Variants in FAS observed in about 807,000 individuals in gnomAD.
FAS encodes the protein Fas cell surface death receptor, also known as tumor necrosis factor receptor superfamily member 6.
In FAS, 5 loss-of-function variants were observed where a neutral mutation model predicts 33.2. The ratio of observed to expected loss-of-function variants is 0.15; its 90% CI spans 0.08 to 0.32. The LOEUF (loss-of-function observed/expected upper bound fraction) is 0.32. Ranked by LOEUF, FAS falls within the 10% of genes least tolerant of loss-of-function variation. The pLI is 1.00. For missense variants in FAS, 339 were observed against 386.0 expected, an observed-to-expected ratio of 0.88 and a Z score of 1.02; for synonymous variants, 131 against 130.7, an observed-to-expected ratio of 1.00 and a Z score of -0.01.
At chr10:89,009,184 C>T (rs1848403750) in intron 4 of FAS, among the ~76,000 whole-genome samples, 187 bp downstream of exon 4, 1 of 152,148 alleles carries the variant, frequency 6.6e-6, no homozygotes, top group Non-Finnish European at 1.5e-5. Flanking sequence ...ACTTTGCTGG[C>T]CACTTAAGCT....
Position 89,003,090 on chromosome 10 carries a change from A to C in FAS, c.92A>C (p.Asn31Thr). The change falls in exon 2 of 9, where the codon AAC becomes ACC. Residue 31 changes from asparagine (N) to threonine (T), a missense_variant. Coordinates refer to ENST00000652046, the MANE Select transcript of FAS (RefSeq NM_000043.6). ...GTTAATGCCCAAGTGACTGACATCA[A>C]CTCCAAGGGATTGGAATTGAGGAAG... ...KSVNAQVTDI[N>T]SKGLELRKTV... 1 of 1,614,112 alleles carries C rather than the reference A, an allele frequency of 6.2e-7. No homozygotes were observed. The highest frequency in any genetic ancestry group is 8.5e-7 in the Non-Finnish European group (1 of 1,179,996).
chr10:89,004,021 A>G (rs997794456), intron 2 of FAS, among the ~76,000 whole-genome samples: 1 of 152,188 alleles, frequency 6.6e-6, no homozygotes, highest in African/African-American at 2.4e-5. Context: ...CCGTTATGGA[A>G]AAATCTCCCC....
At chr10:89,009,745 G>T (rs965613394) in intron 4 of FAS, among the ~76,000 whole-genome samples, 3 of 152,134 alleles carry the variant, frequency 2.0e-5, no homozygotes, top group Non-Finnish European at 4.4e-5. Flanking sequence ...CTCTCCCCTG[G>T]CCACAAGTGT....
chr10:88,970,617 C>G (rs10437509), intron 1 of FAS, among the ~76,000 whole-genome samples: 9,020 of 152,130 alleles, frequency 0.059, 872 homozygotes, highest in African/African-American at 0.21. Context: ...ATTAGAATTC[C>G]CCATTTATCC....
chr10:88,993,438 C>G (rs118144787), intron 1 of FAS, among the ~76,000 whole-genome samples: 1 of 152,054 alleles, frequency 6.6e-6, no homozygotes, highest in Non-Finnish European at 1.5e-5. Flanking sequence ...ATTTGAATTC[C>G]GAAGCCTCTA....
At position 89,003,053 on chromosome 10, in the gene FAS, T is replaced by C. The variant is rs1199807438; in HGVS notation, c.55T>C (p.Ser19Pro). Residue 19 changes from serine to proline, a missense_variant, in exon 2 of 9, where the codon TCG (serine) becomes CCG (proline). Ser to Pro is a moderately conservative substitution (Grantham distance 74, BLOSUM62 -1). Around this residue, in one of 3 missense-constraint regions of FAS, gnomAD observed 276 missense variants for 300.1 expected, o/e 0.92. Transcript: ENST00000652046. ...GGTTCTTACGTCTGTTGCTAGATTA[T>C]CGTCCAAAAGTGTTAATGCCCAAGT... Reference protein sequence around the residue: ...PLVLTSVARLSSKSVNAQVTD... With the variant: ...PLVLTSVARLPSKSVNAQVTD... The C allele has an allele frequency of 1.3e-5, 21 of 1,614,188 alleles. No homozygotes were observed. Among genetic ancestry groups the C allele is most frequent in the Non-Finnish European group, 1.8e-5 (21 of 1,179,996 alleles).
At chr10:89,007,494 C>T (rs1279993352) in intron 2 of FAS, among the ~76,000 whole-genome samples, 1 of 152,040 alleles carries the variant, frequency 6.6e-6, no homozygotes, top group Non-Finnish European at 1.5e-5. Context: ...TTCAGTCACT[C>T]TTTTAGCTTT....
chr10:89,009,051 A>C (rs1243395220), intron 4 of FAS, 54 bp downstream of exon 4: 1 of 1,457,900 alleles, frequency 6.9e-7, no homozygotes, highest in Non-Finnish European at 9.6e-7. Flanking sequence ...GAGAGTTATC[A>C]TTTTCCTAGG....
chr10:88,993,239 C>G (rs1847369590), intron 1 of FAS, among the ~76,000 whole-genome samples: 2 of 151,796 alleles, frequency 1.3e-5, no homozygotes, highest in Admixed American at 6.6e-5. Context: ...TGACAAATTT[C>G]TAAAGGAGAC....
At chr10:89,002,659 G>A (rs962036615) in intron 1 of FAS, 10 of 304,950 alleles carry the variant, frequency 3.3e-5, no homozygotes, top group East Asian at 1.6e-4. Flanking sequence ...ATTATTCCAC[G>A]TATTTTCACA....
chr10:89,002,126 G>T (rs1847963309), intron 1 of FAS, among the ~76,000 whole-genome samples: 1 of 152,178 alleles, frequency 6.6e-6, no homozygotes, highest in South Asian at 2.1e-4. Context: ...TGTTTTGAAG[G>T]TTCTTTGCAG....
intron 1 of FAS, among the ~76,000 whole-genome samples, chr10:88,996,818 A>AGTG (rs377719058): frequency 5.4e-4 from 83 of 152,344 alleles, no homozygotes; most frequent in African/African-American, 1.9e-3. Flanking sequence ...GCCCACAGGT[A>AGTG]GTGGCCACAG....
intron 2 of FAS, among the ~76,000 whole-genome samples, chr10:88,979,249 A>G (rs1005387810): frequency 6.6e-6 from 1 of 151,850 alleles, no homozygotes; most frequent in Non-Finnish European, 1.5e-5. Flanking sequence ...GAAAGTGAGT[A>G]CTGAGACAAA....
intron 2 of FAS, among the ~76,000 whole-genome samples, chr10:88,978,803 A>G (rs1375884899): frequency 6.6e-6 from 1 of 152,194 alleles, no homozygotes. Flanking sequence ...GTCTAATGGT[A>G]ATTTCTCCAA....
intron 2 of FAS, among the ~76,000 whole-genome samples, chr10:88,977,268 G>C (rs1175027741): frequency 2.6e-5 from 4 of 151,556 alleles, no homozygotes; most frequent in Non-Finnish European, 5.9e-5. Flanking sequence ...TAATGCCTAG[G>C]TTTTCTTCTA....
intron 8 of FAS, 44 bp downstream of exon 8, chr10:89,013,411 G>C: frequency 6.4e-7 from 1 of 1,570,088 alleles, no homozygotes. Flanking sequence ...GCATCCTTTA[G>C]AGTAATAGGC....
intron 2 of FAS, 40 bp from the exon 3 acceptor site, chr10:89,007,660 G>A (rs776989861): frequency 6.8e-5 from 108 of 1,594,386 alleles, no homozygotes; most frequent in South Asian, 6.1e-4. Context: ...TTACCTGCCC[G>A]TGTCCTGTTC....
Position 89,015,172 on chromosome 10 carries a change from C to T in FAS, c.*722C>T. The T allele has an allele frequency of 1.9e-6, 1 of 534,812 alleles. No homozygotes were observed. Among genetic ancestry groups the T allele is most frequent in the Non-Finnish European group, 3.6e-6 (1 of 276,678 alleles). The allele number at this position is 534,812 out of a possible 1,614,324, so 33.1% of individuals were successfully genotyped here. On this transcript the variant is annotated 3_prime_UTR_variant, in exon 9 of 9. Transcript: ENST00000652046. Reference sequence around the variant, plus strand: ...TCTCAGGCATCAAAAGCATTTTGAGCAGGAGAGTATTACTAGAGCTTTGCC... The same window carrying T: ...TCTCAGGCATCAAAAGCATTTTGAGTAGGAGAGTATTACTAGAGCTTTGCC...
chr10:88,999,309 A>G (rs1261931396), intron 1 of FAS, among the ~76,000 whole-genome samples: 1 of 152,170 alleles, frequency 6.6e-6, no homozygotes, highest in Non-Finnish European at 1.5e-5. Flanking sequence ...GAACCCCATA[A>G]CCCATCTATT....
Sources: allele counts gnomAD v4.1 joint callset (sites outside exome capture counted in the v4.1 genomes callset), GRCh38; gene constraint gnomAD v4.1.1; regional missense constraint gnomAD v4.1.1; transcripts MANE v1.5; gene names NCBI Gene and HGNC (gene_info 2026-07-23, HGNC 2026-07-21).